TTC13: variants seen among roughly 807,000 people sequenced by gnomAD.
TTC13 encodes tetratricopeptide repeat domain 13, also known as tetratricopeptide repeat protein 13.
A neutral mutation model predicts 120.0 loss-of-function variants in TTC13; 62 were observed. The observed-to-expected ratio is 0.52, with a 90% CI of 0.42 to 0.64. The LOEUF (loss-of-function observed/expected upper bound fraction) is 0.64. TTC13 is among the 30% of genes least tolerant of loss of function. TTC13 has a pLI of 0.00. For missense variants in TTC13, 824 were observed against 1,050.2 expected (o/e 0.78, Z 2.98); for synonymous variants, 384 against 393.5 (o/e 0.98, Z 0.28).
chr1:230,914,456 A>T (rs1222697220), intron 18 of TTC13, among the ~76,000 whole-genome samples: 1 of 151,882 alleles, frequency 6.6e-6, no homozygotes, highest in East Asian at 1.9e-4. Context: ...GTGCAGTGGC[A>T]TGATCTCGGC....
intron 12 of TTC13, 132 bp from the exon 13 acceptor site, chr1:230,925,779 C>G: frequency 1.0e-6 from 1 of 961,440 alleles, no homozygotes; most frequent in Non-Finnish European, 1.6e-6. Flanking sequence ...ATCCTTACTT[C>G]AGTCCTTTGC....
Position 230,924,878 on chromosome 1 carries a change from A to G in TTC13, c.1684T>C (p.Trp562Arg). ...RMNGKTRLMQ[W>R]RDMFDIAVKW... Reference sequence around the variant, plus strand: ...ACTGCAATGTCAAACATGTCTCTCCACTGCATCAACCGTGTCTTCCCATTC... The same window carrying G: ...ACTGCAATGTCAAACATGTCTCTCCGCTGCATCAACCGTGTCTTCCCATTC... The change falls in exon 14 of 23, where the codon TGG becomes CGG. Residue 562 changes from tryptophan to arginine, a missense_variant. Physicochemically the swap from Trp to Arg is moderately radical, Grantham distance 101. Coordinates refer to ENST00000366661, the MANE Select transcript of TTC13 (RefSeq NM_024525.5). 6.2e-7 allele frequency: 1 copy of G among 1,614,212 alleles called. No individual in the cohort carries two copies. Among genetic ancestry groups the G allele is most frequent in the East Asian group, 2.2e-5 (1 of 44,880 alleles).
At chr1:230,923,600 G>A (rs2102800499) in intron 15 of TTC13, among the ~76,000 whole-genome samples, 1 of 152,124 alleles carries the variant, frequency 6.6e-6, no homozygotes, top group South Asian at 2.1e-4. Context: ...CTACCCTTCG[G>A]TTGTGCTCTA....
chr1:230,917,216 C>T (rs1015026729), intron 17 of TTC13, among the ~76,000 whole-genome samples: 2 of 152,122 alleles, frequency 1.3e-5, no homozygotes, highest in Non-Finnish European at 2.9e-5. Context: ...AGAAGAAATG[C>T]GTTAACACAC....
rs370863122 is a variant in TTC13 at position 230,914,636 on chromosome 1, G to T, written c.2093+1557C>A. Among the ~76,000 whole-genome samples the T allele has an allele frequency of 7.7e-4, 117 of 152,138 alleles. 2 individuals are homozygous for T. The South Asian group carries it at 0.024, about 31-fold the overall frequency. On this transcript the variant is annotated intron_variant, in intron 18 of 22. Transcript: ENST00000366661. ...TCTCGAACTCCTGACCTAGTGATCC[G>T]CCCGCCTTGGGCTCCCAAAGTGCTA...
chr1:230,959,392 T>C (rs1453178519), intron 2 of TTC13, among the ~76,000 whole-genome samples: 1 of 152,128 alleles, frequency 6.6e-6, no homozygotes, highest in Non-Finnish European at 1.5e-5. Flanking sequence ...ATTCTTTTTT[T>C]TTTTTTGAGA....
intron 22 of TTC13, 150 bp downstream of exon 22, chr1:230,908,562 T>G (rs1330236062): frequency 1.5e-6 from 1 of 671,618 alleles, no homozygotes. Context: ...ATTTTAACCT[T>G]GAAAAAGTGA....
chr1:230,972,796 T>C (rs1478908907), intron 1 of TTC13, among the ~76,000 whole-genome samples: 2 of 152,210 alleles, frequency 1.3e-5, no homozygotes, highest in African/African-American at 4.8e-5. Flanking sequence ...ACAACAGATA[T>C]ACGTGAAAAA....
At chr1:230,974,506 A>G (rs1428608424) in intron 1 of TTC13, among the ~76,000 whole-genome samples, 1 of 152,222 alleles carries the variant, frequency 6.6e-6, no homozygotes, top group African/African-American at 2.4e-5. Flanking sequence ...TATTGAGTAC[A>G]GTAACATGCT....
intron 1 of TTC13, among the ~76,000 whole-genome samples, chr1:230,966,864 G>A (rs749740937): frequency 3.0e-4 from 46 of 152,198 alleles, no homozygotes; most frequent in Non-Finnish European, 1.2e-4. Flanking sequence ...CAAAGCAGTG[G>A]AGGGAGGATC....
chr1:230,913,471 C>T (rs138199512), intron 18 of TTC13, among the ~76,000 whole-genome samples: 186 of 152,254 alleles, frequency 1.2e-3, no homozygotes, highest in African/African-American at 4.2e-3. Context: ...GTGATCTTCC[C>T]GCCTCAGCCT....
Position 230,906,474 on chromosome 1 carries a change from C to T in TTC13, c.*431G>A, listed in dbSNP as rs1245544985. 6.6e-6 allele frequency: 1 copy of T among 152,382 alleles called. No individual in the cohort carries two copies. Among genetic ancestry groups the T allele is most frequent in the Non-Finnish European group, 1.5e-5 (1 of 68,204 alleles). The allele number at this position is 152,382 out of a possible 1,614,324, so 9.4% of individuals were successfully genotyped here. The stretch of plus-strand genomic sequence containing the variant: ...ACCCACACATGGAGGTTACGTGAGT[C>T]AACAAAAGATGCTCTATCACAATGT... On this transcript the variant is annotated 3_prime_UTR_variant, in exon 23 of 23. Coordinates refer to ENST00000366661, the MANE Select transcript of TTC13 (RefSeq NM_024525.5).
chr1:230,965,450 T>C (rs1451042429), intron 1 of TTC13, among the ~76,000 whole-genome samples: 1 of 152,194 alleles, frequency 6.6e-6, no homozygotes, highest in Non-Finnish European at 1.5e-5. Flanking sequence ...AAATGGTGTA[T>C]ATGCAAAAGA....
intron 3 of TTC13, among the ~76,000 whole-genome samples, chr1:230,956,052 T>C (rs1268182441): frequency 6.6e-6 from 1 of 152,216 alleles, no homozygotes; most frequent in Non-Finnish European, 1.5e-5. Context: ...TAATATCCTT[T>C]ACCAGTATTA....
At position 230,940,648 on chromosome 1, in the gene TTC13, T is replaced by G; in HGVS notation, c.673-92A>C. ...ACTCTTCAATTCCACCTCACCATAC[T>G]CCACTCAAAAATTACTCTCAGCAGG... On this transcript the variant is annotated intron_variant, in intron 6 of 22. Transcript: ENST00000366661. This position sits in a 1 kb window ranked among gnomAD's most constrained non-coding sequence, Gnocchi z 4.1. 1 of 809,768 alleles carries G rather than the reference T, an allele frequency of 1.2e-6. No homozygotes were observed. The highest frequency in any genetic ancestry group is 2.1e-6 in the Non-Finnish European group (1 of 484,504). The allele number at this position is 809,768 out of a possible 1,614,324, so 50.2% of individuals were successfully genotyped here.
chr1:230,976,278 C>T lies in TTC13; in HGVS notation c.271+2282G>A, dbSNP rs564444497. ...CCCTAATGTTGCTCAAATGGGTCTC[C>T]GGATACAGAGCATCAGCTGCCCCTC... On this transcript the variant is annotated intron_variant, in intron 1 of 22. Coordinates refer to ENST00000366661, the MANE Select transcript of TTC13 (RefSeq NM_024525.5). Among the ~76,000 whole-genome samples the T allele has an allele frequency of 6.6e-5, 10 of 152,270 alleles. No individual in the cohort carries two copies. In the South Asian group the frequency reaches 1.7e-3, roughly 25 times the overall value.
intron 4 of TTC13, among the ~76,000 whole-genome samples, chr1:230,953,649 T>G (rs945833114): frequency 1.3e-5 from 2 of 152,218 alleles, no homozygotes. Flanking sequence ...CCATGTCTTC[T>G]TCACTGGAAA....
intron 1 of TTC13, among the ~76,000 whole-genome samples, chr1:230,969,563 A>G (rs1199555239): frequency 6.6e-6 from 1 of 152,214 alleles, no homozygotes; most frequent in Non-Finnish European, 1.5e-5. Context: ...CTTAAGCAGT[A>G]TTTTCAAAGA....
rs1434508876 is a variant in TTC13, at chr1:230,978,242, G to C, written c.271+318C>G. ...GGCGGCGGGAACAGGGCTGCCCCGGGCCACCTGCCATCTCCTCCGCCACCC... is the reference window on the plus strand; with the variant it reads ...GGCGGCGGGAACAGGGCTGCCCCGGCCCACCTGCCATCTCCTCCGCCACCC... On this transcript the variant is annotated intron_variant, in intron 1 of 22. Transcript: ENST00000366661. The surrounding 1 kb of genome is among the most constrained non-coding windows in gnomAD (Gnocchi z 5.6). 1.3e-5 allele frequency among the ~76,000 whole-genome samples: 2 copies of C among 152,236 alleles called. No individual in the cohort carries two copies. Among genetic ancestry groups the C allele is most frequent in the Non-Finnish European group, 2.9e-5 (2 of 67,988 alleles).
Sources: gnomAD v4.1 joint callset for allele counts (sites outside exome capture counted in the v4.1 genomes callset) on GRCh38, gnomAD v4.1.1 for gene constraint, Gnocchi (gnomAD v3.1) non-coding constraint, MANE v1.5 for transcripts, NCBI Gene and HGNC (gene_info 2026-07-23, HGNC 2026-07-21) for gene names.